The following PPIP5K2 variants were observed in gnomAD, a reference collection of about 807,000 sequenced individuals.
The protein encoded by PPIP5K2 is diphosphoinositol pentakisphosphate kinase 2.
PPIP5K2 carries 105 observed loss-of-function variants against 154.6 expected under a neutral mutation model. That is an observed-to-expected ratio of 0.68 (90% CI 0.58 to 0.80). The LOEUF (loss-of-function observed/expected upper bound fraction) is 0.80, where lower values mean the gene tolerates loss of function less well. Ranked by LOEUF, PPIP5K2 falls within the 30% of genes least tolerant of loss-of-function variation. PPIP5K2 has a pLI of 0.00. For synonymous variants in PPIP5K2, 480 were observed against 490.3 expected, an observed-to-expected ratio of 0.98 and a Z score of 0.28; for missense variants, 992 against 1,504.6, an observed-to-expected ratio of 0.66 and a Z score of 5.64.
chr5:103,149,335 T>C, intron 8 of PPIP5K2, 22 bp downstream of exon 8: 1 of 1,577,280 alleles, frequency 6.3e-7, no homozygotes, highest in Non-Finnish European at 8.6e-7. Context: ...TACAGGCCTA[T>C]AGATCCTTAT....
At chr5:103,140,288 C>A (rs1029592559) in intron 5 of PPIP5K2, among the ~76,000 whole-genome samples, 4 of 151,800 alleles carry the variant, frequency 2.6e-5, no homozygotes, top group African/African-American at 7.3e-5. Context: ...AAGAAAGATA[C>A]GAATATGCAT....
chr5:103,120,335 G>A lies in PPIP5K2; in HGVS notation c.-438G>A, dbSNP rs879963027. On this transcript the variant is annotated 5_prime_UTR_variant, in exon 1 of 31. Transcript: ENST00000358359. ...TGAGGTTCCCTTATGTGGCCCTATA[G>A]CTGTTACTGAAGGAAGTAGCCTACG... 1.7e-4 allele frequency: 76 copies of A among 449,214 alleles called. No homozygotes were observed. Among genetic ancestry groups the A allele is most frequent in the Admixed American group, 1.4e-3 (61 of 42,178 alleles). The allele number at this position is 449,214 out of a possible 1,614,324, so 27.8% of individuals were successfully genotyped here.
At chr5:103,172,105 A>G (rs552345223) in intron 19 of PPIP5K2, among the ~76,000 whole-genome samples, 1 of 151,808 alleles carries the variant, frequency 6.6e-6, no homozygotes, top group Admixed American at 6.6e-5. Flanking sequence ...GTTTCCTCAC[A>G]TCTTGCTAAT....
intron 28 of PPIP5K2, 104 bp downstream of exon 28, chr5:103,187,480 C>A: frequency 1.1e-6 from 1 of 883,168 alleles, no homozygotes; most frequent in Non-Finnish European, 1.7e-6. Context: ...ATTTCTTCAT[C>A]CTTAATGTCA....
intron 1 of PPIP5K2, among the ~76,000 whole-genome samples, chr5:103,121,377 C>T (rs1472145954): frequency 1.3e-5 from 2 of 152,088 alleles, no homozygotes; most frequent in Non-Finnish European, 2.9e-5. Flanking sequence ...TTATTATCAC[C>T]ATTTTACAGA....
intron 2 of PPIP5K2, 29 bp from the exon 3 acceptor site, chr5:103,133,423 AC>A: frequency 6.3e-7 from 1 of 1,592,582 alleles, no homozygotes; most frequent in Non-Finnish European, 8.5e-7. Context: ...TGTAAAGTTA[AC>A]CCGATTTTTT....
chr5:103,185,301 A>T (rs1800185515), intron 26 of PPIP5K2, among the ~76,000 whole-genome samples: 1 of 152,070 alleles, frequency 6.6e-6, no homozygotes, highest in Non-Finnish European at 1.5e-5. Context: ...TTCTAAACTC[A>T]TTTGGTTTGA....
intron 21 of PPIP5K2, among the ~76,000 whole-genome samples, chr5:103,177,314 A>G (rs917288798): frequency 6.6e-6 from 1 of 151,972 alleles, no homozygotes; most frequent in African/African-American, 2.4e-5. Flanking sequence ...CTTGCATTAT[A>G]CTTACTGGTT....
rs79670986 is a variant in PPIP5K2, at chr5:103,200,942, A to G, written c.3620-580A>G. Among the ~76,000 whole-genome samples, 1,029 of 152,262 alleles carry G rather than the reference A, an allele frequency of 6.8e-3. 7 individuals are homozygous for G. Among genetic ancestry groups the G allele is most frequent in the Non-Finnish European group, 0.013 (856 of 68,008 alleles). On this transcript the variant is annotated intron_variant, in intron 30 of 30. Transcript: ENST00000358359. ...CATGAATCACCCTGCCTGGCCTAGA[A>G]TAGTTTTTTGATAATTCATGAAGAC...
chr5:103,145,101 A>C (rs899777594), intron 5 of PPIP5K2, among the ~76,000 whole-genome samples: 23 of 152,288 alleles, frequency 1.5e-4, no homozygotes, highest in African/African-American at 5.5e-4. Context: ...AAAAGATTTG[A>C]ACAGATTTTT....
At chr5:103,181,714 G>A (rs1375050941) in intron 24 of PPIP5K2, among the ~76,000 whole-genome samples, 2 of 152,052 alleles carry the variant, frequency 1.3e-5, no homozygotes, top group Non-Finnish European at 2.9e-5. Context: ...ATTAGGTATA[G>A]CATTTTTTAG....
intron 21 of PPIP5K2, 38 bp from the exon 22 acceptor site, chr5:103,177,629 G>A (rs782282285): frequency 4.9e-6 from 7 of 1,426,870 alleles, no homozygotes; most frequent in South Asian, 1.3e-5. Flanking sequence ...AAGTAACACA[G>A]TTTGAGAAAA....
In PPIP5K2 at chr5:103,212,593, A is replaced by T. The variant is rs1310585029; in HGVS notation, c.*10959A>T. Reference sequence around the variant, plus strand: ...AATATTGGAGTATAAACTGCTGGAAATAAGGATGCTATTTAATAGACTCTC... The same window carrying T: ...AATATTGGAGTATAAACTGCTGGAATTAAGGATGCTATTTAATAGACTCTC... On this transcript the variant is annotated 3_prime_UTR_variant, in exon 31 of 31. Coordinates refer to ENST00000358359, the MANE Select transcript of PPIP5K2 (RefSeq NM_001276277.3). The T allele has an allele frequency of 6.6e-6, 1 of 152,186 alleles. No homozygotes were observed. The highest frequency in any genetic ancestry group is 1.5e-5 in the Non-Finnish European group (1 of 67,998). 9.4% of individuals were successfully genotyped at this position (152,186 alleles called of 1,614,324 possible).
intron 19 of PPIP5K2, among the ~76,000 whole-genome samples, chr5:103,170,457 G>A (rs185254414): frequency 6.6e-6 from 1 of 151,406 alleles, no homozygotes; most frequent in Non-Finnish European, 1.5e-5. Flanking sequence ...TTTTTAAATC[G>A]TTTGACTCTT....
chr5:103,177,047 A>T, intron 21 of PPIP5K2: 1 of 550,048 alleles, frequency 1.8e-6, no homozygotes, highest in Non-Finnish European at 3.0e-6. Flanking sequence ...CATTCCTGTT[A>T]TAGGATAGTA....
intron 26 of PPIP5K2, among the ~76,000 whole-genome samples, chr5:103,185,674 G>A (rs1024759049): frequency 2.6e-5 from 4 of 151,980 alleles, no homozygotes; most frequent in Non-Finnish European, 4.4e-5. Context: ...TATACTGGCT[G>A]TTTTATTTGC....
intron 19 of PPIP5K2, among the ~76,000 whole-genome samples, chr5:103,169,970 G>C (rs1300326198): frequency 3.3e-5 from 5 of 151,588 alleles, no homozygotes; most frequent in Admixed American, 2.0e-4. Context: ...ACAATGCTTT[G>C]TCTAATCTTT....
In PPIP5K2 at chr5:103,204,076, T is replaced by C. The variant is rs1554231523; in HGVS notation, c.*2442T>C. 6.6e-6 allele frequency: 1 copy of C among 152,174 alleles called. No individual in the cohort carries two copies. Among genetic ancestry groups the C allele is most frequent in the Non-Finnish European group, 1.5e-5 (1 of 68,032 alleles). The allele number at this position is 152,174 out of a possible 1,614,324, so 9.4% of individuals were successfully genotyped here. On this transcript the variant is annotated 3_prime_UTR_variant, in exon 31 of 31. Transcript: ENST00000358359. ...CAAGAAATATCCAATTAAAACTCAC[T>C]AGCCAAGGAAAAAGTTTCTGTTTTC... is the stretch of plus-strand genomic sequence containing the variant.
Position 103,211,549 on chromosome 5 carries a change from C to T in PPIP5K2, c.*9915C>T, listed in dbSNP as rs1554232581. On this transcript the variant is annotated 3_prime_UTR_variant, in exon 31 of 31. Coordinates refer to ENST00000358359, the MANE Select transcript of PPIP5K2 (RefSeq NM_001276277.3). ...TACCTTAAAAATATCATTGAGAAAGCTCAGAGAACTCCCAGGTAAACACAC... is the reference window on the plus strand; with the variant it reads ...TACCTTAAAAATATCATTGAGAAAGTTCAGAGAACTCCCAGGTAAACACAC... The T allele has an allele frequency of 6.6e-6, 1 of 152,082 alleles. No homozygotes were observed. The highest frequency in any genetic ancestry group is 1.5e-5 in the Non-Finnish European group (1 of 67,948). 9.4% of individuals were successfully genotyped at this position (152,082 alleles called of 1,614,324 possible).
Sources: gnomAD v4.1 joint callset for allele counts (sites outside exome capture counted in the v4.1 genomes callset) on GRCh38, gnomAD v4.1.1 for gene constraint, MANE v1.5 for transcripts, NCBI Gene and HGNC (gene_info 2026-07-23, HGNC 2026-07-21) for gene names.